Variants in WDR27 observed in about 807,000 individuals in gnomAD.
The protein encoded by WDR27 is WD repeat domain 27, also known as WD repeat-containing protein 27.
In WDR27, 100 loss-of-function variants were observed where a neutral mutation model predicts 114.4. The observed-to-expected ratio is 0.87, with a 90% CI of 0.74 to 1.03. WDR27 has a LOEUF of 1.03. Ranked by LOEUF, WDR27 falls within the 50% of genes least tolerant of loss-of-function variation. The pLI is 0.00. For missense variants in WDR27, 1,129 were observed against 1,092.9 expected (o/e 1.03, Z -0.47); for synonymous variants, 449 against 423.1 (o/e 1.06, Z -0.75).
At chr6:169,475,386 C>T (rs944864341) in intron 25 of WDR27, among the ~76,000 whole-genome samples, 3 of 152,066 alleles carry the variant, frequency 2.0e-5, no homozygotes, top group African/African-American at 7.2e-5. Flanking sequence ...CCATACCTGG[C>T]TAATTTTTGT....
At chr6:169,469,430 A>C (rs1351254462) in intron 25 of WDR27, among the ~76,000 whole-genome samples, 2 of 152,202 alleles carry the variant, frequency 1.3e-5, no homozygotes, top group Non-Finnish European at 2.9e-5. Context: ...TTAAGGTTTG[A>C]GAAAAACCCT....
chr6:169,461,647 T>TTA (rs1784916387), intron 25 of WDR27, among the ~76,000 whole-genome samples: 1 of 138,050 alleles, frequency 7.2e-6, no homozygotes, highest in Non-Finnish European at 1.6e-5. Flanking sequence ...ATGCTTGTAT[T>TTA]AAAAAAAAAA....
intron 25 of WDR27, among the ~76,000 whole-genome samples, chr6:169,477,269 A>G (rs1787312957): frequency 6.6e-6 from 1 of 152,226 alleles, no homozygotes; most frequent in Admixed American, 6.5e-5. Context: ...AATTTTGTTC[A>G]TAACTGAAAT....
intron 25 of WDR27, among the ~76,000 whole-genome samples, chr6:169,524,118 AG>A (rs2128069251): frequency 6.6e-6 from 1 of 152,318 alleles, no homozygotes; most frequent in East Asian, 1.9e-4. Flanking sequence ...TTAAAAAATC[AG>A]TAGTATTTAT....
chr6:169,697,987 A>G (rs1786700434), intron 1 of WDR27, among the ~76,000 whole-genome samples: 1 of 152,190 alleles, frequency 6.6e-6, no homozygotes, highest in Admixed American at 6.5e-5. Context: ...CAGGCAGAAT[A>G]TGAATGTGCT....
chr6:169,529,318 G>GT (rs35399395), intron 25 of WDR27, among the ~76,000 whole-genome samples: 3 of 143,616 alleles, frequency 2.1e-5, no homozygotes, highest in Non-Finnish European at 3.1e-5. Context: ...TCTGCGGGGG[G>GT]GGGGGGCAGC....
intron 25 of WDR27, among the ~76,000 whole-genome samples, chr6:169,478,037 C>T (rs1203625376): frequency 3.3e-5 from 5 of 152,116 alleles, no homozygotes; most frequent in Non-Finnish European, 7.4e-5. Flanking sequence ...TAAATGCACA[C>T]TGTACTTTCC....
Position 169,485,979 on chromosome 6 carries a change from A to G in WDR27, c.2646-28345T>C, listed in dbSNP as rs560954710. 7.2e-5 allele frequency among the ~76,000 whole-genome samples: 11 copies of G among 152,330 alleles called. No homozygotes were observed. In the East Asian group the frequency reaches 1.7e-3, roughly 24 times the overall value. On this transcript the variant is annotated intron_variant, in intron 25 of 25. Transcript: ENST00000448612. Reference sequence around the variant, plus strand: ...ACACATGGACACATGGAGGGAAACAAGAGACACTGGGGCGTATTGAGGGTG... The same window carrying G: ...ACACATGGACACATGGAGGGAAACAGGAGACACTGGGGCGTATTGAGGGTG...
intron 25 of WDR27, among the ~76,000 whole-genome samples, chr6:169,478,792 T>G (rs1234128355): frequency 6.6e-6 from 1 of 152,112 alleles, no homozygotes; most frequent in African/African-American, 2.4e-5. Flanking sequence ...TCGACAAGGC[T>G]GACAAAAACA....
At chr6:169,658,745 G>A (rs1206700914) in intron 12 of WDR27, among the ~76,000 whole-genome samples, 3 of 150,448 alleles carry the variant, frequency 2.0e-5, no homozygotes, top group African/African-American at 4.9e-5. Context: ...GTGCAGTGGC[G>A]CGATCTCAGC....
intron 22 of WDR27, among the ~76,000 whole-genome samples, chr6:169,609,477 C>T (rs900349225): frequency 6.6e-6 from 1 of 151,894 alleles, no homozygotes; most frequent in Non-Finnish European, 1.5e-5. Context: ...GATGTAGAAG[C>T]TGCCAAGGAC....
intron 2 of WDR27, among the ~76,000 whole-genome samples, chr6:169,678,834 A>G (rs1422251404): frequency 1.3e-5 from 2 of 152,244 alleles, no homozygotes; most frequent in Admixed American, 6.5e-5. Flanking sequence ...AAAAATCCAC[A>G]TTCTATAGAG....
chr6:169,470,563 T>A (rs1351576422), intron 25 of WDR27, among the ~76,000 whole-genome samples: 1 of 152,356 alleles, frequency 6.6e-6, no homozygotes. Flanking sequence ...GGTCACATTC[T>A]GGTGAGGACT....
At chr6:169,503,686 G>C (rs1791628071) in intron 25 of WDR27, among the ~76,000 whole-genome samples, 1 of 152,134 alleles carries the variant, frequency 6.6e-6, no homozygotes, top group Admixed American at 6.5e-5. Flanking sequence ...TGGCATTTCT[G>C]ATTTCTGCTG....
At chr6:169,638,934 G>C (rs1012607240) in intron 17 of WDR27, among the ~76,000 whole-genome samples, 1 of 152,186 alleles carries the variant, frequency 6.6e-6, no homozygotes, top group Non-Finnish European at 1.5e-5. Context: ...AGATTCAGGA[G>C]GTGCAGGTGT....
At chr6:169,501,285 C>T (rs1470412725) in intron 25 of WDR27, among the ~76,000 whole-genome samples, 1 of 152,150 alleles carries the variant, frequency 6.6e-6, no homozygotes, top group Non-Finnish European at 1.5e-5. Context: ...AGTGTCCAGA[C>T]GGCCTGCAGG....
the WDR27 span, among the ~76,000 whole-genome samples, chr6:169,432,091 A>C: frequency 6.6e-6 from 1 of 152,206 alleles, no homozygotes; most frequent in Non-Finnish European, 1.5e-5. Flanking sequence ...AAGTGAAGAC[A>C]CTTGAAAAAC....
chr6:169,462,020 C>T (rs1485566238), intron 25 of WDR27, among the ~76,000 whole-genome samples: 1 of 151,858 alleles, frequency 6.6e-6, no homozygotes, highest in Non-Finnish European at 1.5e-5. Flanking sequence ...TGTATGCCAA[C>T]ATATTGGATA....
chr6:169,667,822 G>A (rs758332093), intron 5 of WDR27, among the ~76,000 whole-genome samples, 160 bp downstream of exon 5: 6 of 152,374 alleles, frequency 3.9e-5, no homozygotes, highest in Admixed American at 1.3e-4. Flanking sequence ...CGGGCTTGGC[G>A]TTTCTGTGGA....
Sources: gnomAD v4.1 joint callset for allele counts (sites outside exome capture counted in the v4.1 genomes callset) on GRCh38, gnomAD v4.1.1 for gene constraint, MANE v1.5 for transcripts, NCBI Gene and HGNC (gene_info 2026-07-23, HGNC 2026-07-21) for gene names.